MLIP: variants seen among roughly 807,000 people sequenced by gnomAD.
MLIP encodes muscular LMNA-interacting protein.
In MLIP, 79 loss-of-function variants were observed where a neutral mutation model predicts 84.8. The ratio of observed to expected loss-of-function variants is 0.93; its 90% CI spans 0.78 to 1.12. The LOEUF (loss-of-function observed/expected upper bound fraction) is 1.12, where lower values mean the gene tolerates loss of function less well. MLIP is among the 50% of genes most tolerant of loss of function. The probability of loss-of-function intolerance (pLI) is 0.00; values close to 1 mark genes in which losing one functional copy is unlikely to be tolerated. For synonymous variants in MLIP, 504 were observed against 463.0 expected (o/e 1.09, Z -1.14); for missense variants, 1,257 against 1,160.6 (o/e 1.08, Z -1.21).
intron 3 of MLIP, among the ~76,000 whole-genome samples, chr6:54,126,319 T>G (rs1582211126): frequency 6.6e-6 from 1 of 152,110 alleles, no homozygotes; most frequent in Admixed American, 6.6e-5. Context: ...GAATTGGCCA[T>G]TTATTTTTAT....
chr6:54,215,556 C>G lies in MLIP; in HGVS notation c.2718+13323C>G, dbSNP rs1420457626. ...TATGTGTACATTGTATAATGATTACCACAGTTAAATTAATCAATGTAACTA... is the reference window on the plus strand; with the variant it reads ...TATGTGTACATTGTATAATGATTACGACAGTTAAATTAATCAATGTAACTA... On this transcript the variant is annotated intron_variant, in intron 11 of 13. Transcript: ENST00000502396. 6 of 262,508 alleles carry G rather than the reference C, an allele frequency of 2.3e-5. No individual in the cohort carries two copies. In the East Asian group the frequency reaches 5.3e-4, roughly 23 times the overall value. The allele number at this position is 262,508 out of a possible 1,614,324, so 16.3% of individuals were successfully genotyped here.
At chr6:54,106,072 T>G (rs962282935) in intron 1 of MLIP, among the ~76,000 whole-genome samples, 23 of 152,152 alleles carry the variant, frequency 1.5e-4, no homozygotes, top group Admixed American at 1.4e-3. Flanking sequence ...ATGCAAAGTT[T>G]ATTAGGGAGT....
chr6:54,072,323 A>G (rs1766536849), intron 1 of MLIP, among the ~76,000 whole-genome samples: 1 of 152,176 alleles, frequency 6.6e-6, no homozygotes, highest in South Asian at 2.1e-4. Context: ...CTCTATCCCC[A>G]GAGGAGATAG....
intron 10 of MLIP, among the ~76,000 whole-genome samples, chr6:54,194,419 T>C (rs1280851): frequency 0.24 from 36,731 of 152,056 alleles, 4,574 homozygotes; most frequent in Non-Finnish European, 0.28. Flanking sequence ...TATTTAACCA[T>C]TGAAATATTT....
intron 1 of MLIP, among the ~76,000 whole-genome samples, chr6:54,096,846 G>A (rs1768249801): frequency 6.6e-6 from 1 of 152,178 alleles, no homozygotes; most frequent in African/African-American, 2.4e-5. Flanking sequence ...GTGGGTCATT[G>A]ATGCTGTGGC....
At chr6:54,019,211 T>C in intron 1 of MLIP, 1 of 978,050 alleles carries the variant, frequency 1.0e-6, no homozygotes, top group Non-Finnish European at 1.6e-6. Flanking sequence ...TGCTGGTCAA[T>C]AACTTTAAAA....
intron 5 of MLIP, among the ~76,000 whole-genome samples, chr6:54,157,654 C>A (rs781303033): frequency 6.6e-5 from 10 of 152,152 alleles, no homozygotes; most frequent in East Asian, 1.9e-4. Flanking sequence ...AGTTATGTAA[C>A]CTTCTATCCC....
chr6:54,261,715 A>G (rs1783405221), intron 13 of MLIP: 1 of 985,248 alleles, frequency 1.0e-6, no homozygotes, highest in Non-Finnish European at 1.2e-6. Context: ...ATGAGAACAT[A>G]GAAAAGAGAA....
At chr6:54,063,185 A>G (rs1766069607) in intron 1 of MLIP, 1 of 151,706 alleles carries the variant, frequency 6.6e-6, no homozygotes, top group Non-Finnish European at 1.5e-5. Context: ...CTGGACAACA[A>G]GAACAAAACT....
At chr6:54,211,655 T>C (rs1315222794) in intron 11 of MLIP, among the ~76,000 whole-genome samples, 1 of 152,226 alleles carries the variant, frequency 6.6e-6, no homozygotes, top group Non-Finnish European at 1.5e-5. Context: ...AGATCAGTGA[T>C]TCTCAACCAG....
chr6:54,256,606 G>A (rs970988329), intron 12 of MLIP, among the ~76,000 whole-genome samples: 1 of 152,030 alleles, frequency 6.6e-6, no homozygotes, highest in African/African-American at 2.4e-5. Flanking sequence ...TGTCTCTTAG[G>A]TTGTCTCTTT....
chr6:54,038,137 T>G (rs1764548422), intron 1 of MLIP, among the ~76,000 whole-genome samples: 1 of 151,954 alleles, frequency 6.6e-6, no homozygotes, highest in Admixed American at 6.6e-5. Context: ...TACTAGACTA[T>G]TCAGTATGCC....
intron 10 of MLIP, among the ~76,000 whole-genome samples, chr6:54,193,889 A>G (rs138267916): frequency 3.0e-4 from 45 of 152,240 alleles, no homozygotes; most frequent in African/African-American, 9.9e-4. Context: ...TTTTCCCTGC[A>G]TAAGATAACA....
chr6:54,165,294 C>T (rs896101866), intron 8 of MLIP, among the ~76,000 whole-genome samples: 5 of 151,934 alleles, frequency 3.3e-5, no homozygotes, highest in African/African-American at 1.2e-4. Context: ...CCTCCCTGCA[C>T]CTCTGCTTAT....
At chr6:54,257,792 G>C (rs1336142183) in intron 13 of MLIP, among the ~76,000 whole-genome samples, 1 of 152,006 alleles carries the variant, frequency 6.6e-6, no homozygotes, top group East Asian at 1.9e-4. Flanking sequence ...GGCTCACTGA[G>C]CACCCCCAAC....
intron 1 of MLIP, among the ~76,000 whole-genome samples, chr6:54,076,308 G>T (rs1031849960): frequency 6.6e-6 from 1 of 152,100 alleles, no homozygotes; most frequent in African/African-American, 2.4e-5. Context: ...CTAACTAAAG[G>T]TCATGCTGAT....
intron 1 of MLIP, among the ~76,000 whole-genome samples, chr6:54,044,702 T>C (rs1764936058): frequency 6.6e-6 from 1 of 151,088 alleles, no homozygotes. Flanking sequence ...TGTAAAACCA[T>C]TACCTAATTT....
rs147262866 is a variant in MLIP at position 54,025,596 on chromosome 6, C to T, written c.63+6505C>T. Reference sequence around the variant, plus strand: ...ATCATTTATTTTGGAAACCTCCTTCCTTGTCTCTGCTACTCATAAGAGTAG... The same window carrying T: ...ATCATTTATTTTGGAAACCTCCTTCTTTGTCTCTGCTACTCATAAGAGTAG... On this transcript the variant is annotated intron_variant, in intron 1 of 12. Coordinates refer to the MLIP transcript ENST00000274897. Among the ~76,000 whole-genome samples the T allele has an allele frequency of 2.0e-5, 3 of 152,216 alleles. No homozygotes were observed. In the East Asian group the frequency reaches 5.8e-4, roughly 29 times the overall value.
chr6:54,144,039 C>G (rs549770862), intron 4 of MLIP, among the ~76,000 whole-genome samples: 2 of 152,134 alleles, frequency 1.3e-5, no homozygotes, highest in Non-Finnish European at 2.9e-5. Flanking sequence ...GTTGCTACCT[C>G]GCCCATCTGC....
Sources: gnomAD v4.1 joint callset for allele counts (sites outside exome capture counted in the v4.1 genomes callset) on GRCh38, gnomAD v4.1.1 for gene constraint, MANE v1.5 for transcripts, NCBI Gene and HGNC (gene_info 2026-07-23, HGNC 2026-07-21) for gene names.